The following SERGEF variants were observed in gnomAD, a reference collection of about 807,000 sequenced individuals.
SERGEF encodes secretion-regulating guanine nucleotide exchange factor.
Under a neutral mutation model 50.0 loss-of-function variants are expected in SERGEF, and 51 were observed. The observed-to-expected ratio is 1.02, with a 90% CI of 0.81 to 1.29. SERGEF has a LOEUF of 1.29. Among genes scored for constraint, SERGEF ranks in the 50% most tolerant of loss-of-function variants. The pLI is 0.00. For synonymous variants in SERGEF, 205 were observed against 212.4 expected (o/e 0.97, Z 0.30); for missense variants, 521 against 557.0 (o/e 0.94, Z 0.65).
intron 9 of SERGEF, among the ~76,000 whole-genome samples, chr11:17,907,571 G>GCTC (rs1037917896): frequency 2.0e-5 from 3 of 152,142 alleles, no homozygotes; most frequent in African/African-American, 7.2e-5. Flanking sequence ...TTTTGAGATA[G>GCTC]CTCCGCAAAT....
In SERGEF at chr11:17,990,727, A is replaced by G. The variant is rs1289751936; in HGVS notation, c.686-1972T>C. On this transcript the variant is annotated intron_variant, in intron 7 of 10. Transcript: ENST00000265965. ...TCTAAAGAGCATTGAACAAAATCCA[A>G]TGTGTAACAGCTTGAACTAGATGAA... is the stretch of plus-strand genomic sequence containing the variant. Among the ~76,000 whole-genome samples the G allele has an allele frequency of 3.9e-5, 6 of 152,280 alleles. No homozygotes were observed. The East Asian group carries it at 7.7e-4, about 20-fold the overall frequency.
chr11:17,889,099 T>C (rs1349365095), intron 9 of SERGEF, among the ~76,000 whole-genome samples: 1 of 152,172 alleles, frequency 6.6e-6, no homozygotes, highest in Non-Finnish European at 1.5e-5. Flanking sequence ...AAATAATAAA[T>C]GTAAAAGAAT....
chr11:17,861,448 C>T (rs994015784), intron 10 of SERGEF, among the ~76,000 whole-genome samples: 1 of 152,186 alleles, frequency 6.6e-6, no homozygotes, highest in Non-Finnish European at 1.5e-5. Flanking sequence ...GGCCTCATGC[C>T]CCTTACACTA....
chr11:17,909,779 T>G (rs1851914194), intron 9 of SERGEF, among the ~76,000 whole-genome samples: 1 of 151,156 alleles, frequency 6.6e-6, no homozygotes, highest in South Asian at 2.1e-4. Flanking sequence ...CCTCCAATCT[T>G]AGACATTAAA....
chr11:17,792,148 C>T (rs140943724), intron 10 of SERGEF, among the ~76,000 whole-genome samples: 16 of 152,342 alleles, frequency 1.1e-4, no homozygotes, highest in African/African-American at 3.6e-4. Flanking sequence ...CCTTCCCTTC[C>T]CTTTCCCTTA....
chr11:17,943,675 C>T (rs1852601678), intron 9 of SERGEF, among the ~76,000 whole-genome samples: 1 of 151,946 alleles, frequency 6.6e-6, no homozygotes, highest in South Asian at 2.1e-4. Context: ...TTTTTCTTTT[C>T]TAATATATTC....
At chr11:17,934,515 C>T (rs2133950423) in intron 9 of SERGEF, among the ~76,000 whole-genome samples, 1 of 152,284 alleles carries the variant, frequency 6.6e-6, no homozygotes, top group Middle Eastern at 3.4e-3. Flanking sequence ...TAGGTCAGAC[C>T]ACTGCTTAGA....
At chr11:17,833,507 G>T (rs977138737) in intron 10 of SERGEF, among the ~76,000 whole-genome samples, 1 of 152,212 alleles carries the variant, frequency 6.6e-6, no homozygotes, top group Non-Finnish European at 1.5e-5. Flanking sequence ...GCACTGCCTA[G>T]TAGAGCTGTG....
intron 8 of SERGEF, among the ~76,000 whole-genome samples, chr11:17,975,492 A>G (rs1853350856): frequency 6.6e-6 from 1 of 152,126 alleles, no homozygotes; most frequent in Admixed American, 6.5e-5. Context: ...TATGGCTCAC[A>G]ATAGCTTCCC....
intron 8 of SERGEF, among the ~76,000 whole-genome samples, chr11:17,986,215 C>G (rs952954843): frequency 6.6e-6 from 1 of 152,112 alleles, no homozygotes; most frequent in Non-Finnish European, 1.5e-5. Context: ...AATAGAAGCC[C>G]TGGGTGTTTC....
intron 9 of SERGEF, among the ~76,000 whole-genome samples, chr11:17,904,375 G>C (rs1015814248): frequency 1.3e-5 from 2 of 152,218 alleles, no homozygotes; most frequent in Non-Finnish European, 2.9e-5. Context: ...TGGGATCCTG[G>C]AAAGACTACC....
chr11:17,926,640 C>CT, intron 9 of SERGEF: 1 of 413,382 alleles, frequency 2.4e-6, no homozygotes, highest in Non-Finnish European at 4.9e-6. Flanking sequence ...CCATGCCCTC[C>CT]TTTATGCCAG....
intron 9 of SERGEF, among the ~76,000 whole-genome samples, chr11:17,901,823 C>T (rs1851753640): frequency 6.6e-6 from 1 of 152,198 alleles, no homozygotes; most frequent in South Asian, 2.1e-4. Context: ...CCCTCCTGCC[C>T]TCTTAAAGAC....
chr11:17,797,174 C>T (rs1256218672), intron 10 of SERGEF, among the ~76,000 whole-genome samples: 1 of 152,250 alleles, frequency 6.6e-6, no homozygotes, highest in Admixed American at 6.5e-5. Context: ...ATTCTCCACA[C>T]AGCAACTTGA....
intron 8 of SERGEF, among the ~76,000 whole-genome samples, chr11:17,966,633 C>A (rs755719549): frequency 4.6e-5 from 7 of 152,058 alleles, no homozygotes; most frequent in Admixed American, 6.5e-5. Flanking sequence ...TAGTTCCTAG[C>A]GTAAATAAAC....
intron 9 of SERGEF, among the ~76,000 whole-genome samples, chr11:17,905,228 G>C (rs769953418): frequency 1.3e-5 from 2 of 152,292 alleles, no homozygotes; most frequent in Non-Finnish European, 2.9e-5. Context: ...AAAAGCGAAA[G>C]AGATGCTGTA....
intron 8 of SERGEF, among the ~76,000 whole-genome samples, chr11:17,964,718 G>A (rs1376767791): frequency 6.6e-6 from 1 of 152,136 alleles, no homozygotes; most frequent in African/African-American, 2.4e-5. Context: ...TCTACCTATA[G>A]GTTTGTTATA....
chr11:17,899,305 G>A (rs1374965419), intron 9 of SERGEF, among the ~76,000 whole-genome samples: 6 of 151,924 alleles, frequency 3.9e-5, no homozygotes, highest in South Asian at 2.1e-4. Flanking sequence ...TCCCTTCTAC[G>A]GTTTCAAAAT....
At chr11:17,911,366 TA>T (rs977679919) in intron 9 of SERGEF, among the ~76,000 whole-genome samples, 2 of 146,986 alleles carry the variant, frequency 1.4e-5, no homozygotes, top group Non-Finnish European at 3.0e-5. Context: ...TTTTATATAT[TA>T]AAATATATAT....
Sources: gnomAD v4.1 joint callset for allele counts (sites outside exome capture counted in the v4.1 genomes callset) on GRCh38, gnomAD v4.1.1 for gene constraint, MANE v1.5 for transcripts, NCBI Gene and HGNC (gene_info 2026-07-23, HGNC 2026-07-21) for gene names.